The following RGS6 variants were observed in gnomAD, a reference collection of about 807,000 sequenced individuals.
RGS6 encodes regulator of G-protein signaling 6.
In RGS6, 30 loss-of-function variants were observed where a neutral mutation model predicts 78.5. The observed-to-expected ratio is 0.38, with a 90% CI of 0.29 to 0.52. RGS6 has a LOEUF of 0.52. Ranked by LOEUF, RGS6 falls within the 20% of genes least tolerant of loss-of-function variation. The probability of loss-of-function intolerance (pLI) is 0.85; values close to 1 mark genes in which losing one functional copy is unlikely to be tolerated. For missense variants in RGS6, 495 were observed against 609.7 expected, an observed-to-expected ratio of 0.81 and a Z score of 1.98; for synonymous variants, 206 against 206.0, an observed-to-expected ratio of 1.00 and a Z score of 0.00.
At chr14:72,234,407 T>C (rs1192317838) in intron 2 of RGS6, among the ~76,000 whole-genome samples, 1 of 152,080 alleles carries the variant, frequency 6.6e-6, no homozygotes, top group Non-Finnish European at 1.5e-5. Context: ...AGCTGCTTAT[T>C]TTGTGAGAAG....
intron 2 of RGS6, among the ~76,000 whole-genome samples, chr14:72,164,903 T>C (rs2096903623): frequency 6.6e-6 from 1 of 152,226 alleles, no homozygotes; most frequent in African/African-American, 2.4e-5. Context: ...TGGCTGACTG[T>C]GCCTGCCGTC....
intron 2 of RGS6, among the ~76,000 whole-genome samples, chr14:72,217,193 G>T (rs748695188): frequency 6.6e-6 from 1 of 152,150 alleles, no homozygotes; most frequent in Admixed American, 6.6e-5. Flanking sequence ...GCCGTCTGTG[G>T]TGGGAAAGGA....
At chr14:72,389,523 G>A (rs1295840817) in intron 3 of RGS6, among the ~76,000 whole-genome samples, 1 of 152,122 alleles carries the variant, frequency 6.6e-6, no homozygotes, top group Non-Finnish European at 1.5e-5. Context: ...AGTGACACTA[G>A]GGAAACCTTA....
chr14:72,430,439 C>T (rs2094581258), intron 3 of RGS6, among the ~76,000 whole-genome samples: 1 of 152,136 alleles, frequency 6.6e-6, no homozygotes, highest in African/African-American at 2.4e-5. Context: ...GAAGAAACTG[C>T]AGGGGTCAGG....
chr14:72,498,700 C>T (rs913018742), intron 13 of RGS6, among the ~76,000 whole-genome samples: 1 of 152,158 alleles, frequency 6.6e-6, no homozygotes, highest in Non-Finnish European at 1.5e-5. Flanking sequence ...TGCTGTGCAT[C>T]AGAATCACCT....
intron 16 of RGS6, among the ~76,000 whole-genome samples, chr14:72,539,055 G>A (rs1212601223): frequency 6.6e-6 from 1 of 152,206 alleles, no homozygotes; most frequent in Non-Finnish European, 1.5e-5. Context: ...CCCTGGAACG[G>A]GATCCAGGAT....
chr14:71,966,239 A>G (rs965452778), intron 2 of RGS6, among the ~76,000 whole-genome samples: 34 of 152,180 alleles, frequency 2.2e-4, no homozygotes, highest in Non-Finnish European at 4.0e-4. Flanking sequence ...GGCAATGTGG[A>G]ACTAGATATT....
intron 2 of RGS6, among the ~76,000 whole-genome samples, chr14:72,030,707 G>T (rs11846808): frequency 0.044 from 6,661 of 152,304 alleles, 182 homozygotes; most frequent in African/African-American, 0.078. Flanking sequence ...CAATTATAAT[G>T]TAATTGGAAA....
intron 2 of RGS6, among the ~76,000 whole-genome samples, chr14:71,967,365 T>G (rs930544389): frequency 3.9e-5 from 6 of 152,148 alleles, no homozygotes; most frequent in Admixed American, 3.9e-4. Context: ...TGGTTGTACT[T>G]GAACTATGGG....
At chr14:72,595,397 T>C in the RGS6 span, among the ~76,000 whole-genome samples, 5 of 152,198 alleles carry the variant, frequency 3.3e-5, no homozygotes, top group African/African-American at 1.2e-4. Flanking sequence ...AAAGATCATC[T>C]CATCCACACC....
At chr14:72,541,669 C>T in intron 17 of RGS6, 1 of 1,520,970 alleles carries the variant, frequency 6.6e-7, no homozygotes, top group Non-Finnish European at 8.8e-7. Flanking sequence ...GGACTGGCTA[C>T]TGTGCGGGTG....
At chr14:72,122,563 T>G (rs1352405768) in intron 2 of RGS6, among the ~76,000 whole-genome samples, 7 of 152,190 alleles carry the variant, frequency 4.6e-5, no homozygotes. Flanking sequence ...TCCTTTAATG[T>G]TCCCATCTCT....
rs903932734 is a variant in RGS6 at position 72,489,039 on chromosome 14, G to A, written c.855-6113G>A. 6.0e-4 allele frequency among the ~76,000 whole-genome samples: 91 copies of A among 152,138 alleles called. 1 individual carries two copies. The highest frequency in any genetic ancestry group is 1.5e-3 in the Admixed American group (23 of 15,274). On this transcript the variant is annotated intron_variant, in intron 12 of 17. Transcript: ENST00000553525. The stretch of plus-strand genomic sequence containing the variant: ...TCCCCAATAACGTAATTAATTAAAA[G>A]AGGTCCTACCTTTTGCCTTGAGCTG...
chr14:72,298,088 C>G (rs73304937), intron 2 of RGS6, among the ~76,000 whole-genome samples: 1 of 151,916 alleles, frequency 6.6e-6, no homozygotes, highest in African/African-American at 2.4e-5. Flanking sequence ...TAGCTGACAT[C>G]GGTCAAGAAC....
intron 3 of RGS6, among the ~76,000 whole-genome samples, chr14:72,410,835 C>G (rs2093354955): frequency 6.6e-6 from 1 of 152,136 alleles, no homozygotes. Flanking sequence ...AATCCTTTCC[C>G]CATTTCTTCT....
intron 13 of RGS6, among the ~76,000 whole-genome samples, chr14:72,505,670 A>G (rs746872693): frequency 6.6e-6 from 1 of 152,256 alleles, no homozygotes; most frequent in Admixed American, 6.5e-5. Context: ...GGAGACAGGC[A>G]GTCCTGGGAT....
chr14:71,954,248 C>T (rs1309584064), intron 1 of RGS6, among the ~76,000 whole-genome samples: 1 of 149,926 alleles, frequency 6.7e-6, no homozygotes. Flanking sequence ...GTCATTATTC[C>T]TTCTAATATT....
intron 15 of RGS6, among the ~76,000 whole-genome samples, chr14:72,526,600 C>T (rs2097123887): frequency 6.6e-6 from 1 of 152,370 alleles, no homozygotes; most frequent in South Asian, 2.1e-4. Context: ...TTTACTCTCA[C>T]ATCCTCTTAT....
At chr14:72,303,571 A>G (rs981692263) in intron 2 of RGS6, among the ~76,000 whole-genome samples, 1 of 152,206 alleles carries the variant, frequency 6.6e-6, no homozygotes, top group African/African-American at 2.4e-5. Flanking sequence ...TTCTGACTCC[A>G]CTACCTAATT....
Sources: gnomAD v4.1 joint callset for allele counts (sites outside exome capture counted in the v4.1 genomes callset) on GRCh38, gnomAD v4.1.1 for gene constraint, MANE v1.5 for transcripts, NCBI Gene and HGNC (gene_info 2026-07-23, HGNC 2026-07-21) for gene names.